Variants in CA10 observed in about 807,000 individuals in gnomAD.
The protein encoded by CA10 is carbonic anhydrase-related protein 10.
Under a neutral mutation model 44.2 loss-of-function variants are expected in CA10, and 14 were observed. The ratio of observed to expected loss-of-function variants is 0.32; its 90% confidence interval spans 0.21 to 0.50. The LOEUF is 0.50. Ranked by LOEUF, CA10 falls within the 20% of genes least tolerant of loss-of-function variation. The pLI, the probability that CA10 is intolerant of heterozygous loss-of-function variation, is 0.99. For synonymous variants in CA10, 159 were observed against 141.6 expected, an observed-to-expected ratio of 1.12 and a Z score of -0.87; for missense variants, 350 against 409.7, an observed-to-expected ratio of 0.85 and a Z score of 1.26.
At chr17:51,650,787 G>A (rs1436068943) in intron 5 of CA10, among the ~76,000 whole-genome samples, 1 of 152,166 alleles carries the variant, frequency 6.6e-6, no homozygotes, top group Non-Finnish European at 1.5e-5. Flanking sequence ...TGGTGAGTCT[G>A]GTCAGCCCTT....
At chr17:51,936,604 G>A (rs1224891069) in intron 2 of CA10, among the ~76,000 whole-genome samples, 1 of 152,148 alleles carries the variant, frequency 6.6e-6, no homozygotes, top group Non-Finnish European at 1.5e-5. Flanking sequence ...GGAGAAGAGC[G>A]AAATGAGATG....
chr17:52,073,939 C>T (rs988789464), intron 1 of CA10, among the ~76,000 whole-genome samples: 6 of 152,166 alleles, frequency 3.9e-5, no homozygotes, highest in African/African-American at 1.4e-4. Context: ...TAGACCCGAC[C>T]AAGCCAAGAA....
chr17:52,153,239 G>A (rs1358406639), intron 1 of CA10, among the ~76,000 whole-genome samples: 2 of 152,098 alleles, frequency 1.3e-5, no homozygotes, highest in East Asian at 3.8e-4. Flanking sequence ...CAGTAACTGG[G>A]CTATATGACA....
chr17:51,823,595 A>G (rs1907898658), intron 3 of CA10, among the ~76,000 whole-genome samples: 2 of 152,100 alleles, frequency 1.3e-5, no homozygotes, highest in Admixed American at 1.3e-4. Flanking sequence ...TGATTACTCC[A>G]TTTTCCAGGT....
chr17:51,849,392 A>G (rs1978689954), intron 3 of CA10, among the ~76,000 whole-genome samples: 1 of 151,564 alleles, frequency 6.6e-6, no homozygotes, highest in African/African-American at 2.4e-5. Flanking sequence ...ATTCAAATAA[A>G]TGGCTTCCTA....
chr17:51,855,186 C>A (rs74537109), intron 3 of CA10, among the ~76,000 whole-genome samples: 1 of 152,066 alleles, frequency 6.6e-6, no homozygotes, highest in Admixed American at 6.5e-5. Flanking sequence ...TGGAGGATAA[C>A]GCCAGCTTGA....
chr17:51,780,078 A>C (rs1031794248), intron 3 of CA10, among the ~76,000 whole-genome samples: 2 of 152,248 alleles, frequency 1.3e-5, no homozygotes, highest in African/African-American at 4.8e-5. Flanking sequence ...AAAACTTTAA[A>C]TAGATTCTAG....
intron 6 of CA10, among the ~76,000 whole-genome samples, chr17:51,645,508 C>T (rs1240961829): frequency 1.3e-5 from 2 of 152,182 alleles, no homozygotes; most frequent in Non-Finnish European, 2.9e-5. Flanking sequence ...TCAGGATGTA[C>T]TTGAACTGCC....
chr17:52,127,645 G>T (rs894128513), intron 1 of CA10, among the ~76,000 whole-genome samples: 4 of 152,266 alleles, frequency 2.6e-5, no homozygotes, highest in Non-Finnish European at 4.4e-5. Flanking sequence ...CTCTCTGAGG[G>T]TTATGAACAT....
At chr17:51,695,927 T>C (rs534834242) in intron 4 of CA10, among the ~76,000 whole-genome samples, 1 of 152,330 alleles carries the variant, frequency 6.6e-6, no homozygotes, top group African/African-American at 2.4e-5. Context: ...GATGATCATA[T>C]GGTTTTTGTT....
chr17:51,868,870 T>C (rs932250342), intron 3 of CA10, among the ~76,000 whole-genome samples: 2 of 150,696 alleles, frequency 1.3e-5, no homozygotes, highest in Non-Finnish European at 2.9e-5. Context: ...TCAAGTTAGC[T>C]ATGAAGCCAA....
intron 3 of CA10, among the ~76,000 whole-genome samples, chr17:51,788,656 T>C (rs946248344): frequency 3.9e-5 from 6 of 152,226 alleles, no homozygotes; most frequent in African/African-American, 1.4e-4. Flanking sequence ...ACAAACCTAC[T>C]GTAGAGCATT....
chr17:52,076,769 C>T (rs1416261777), intron 1 of CA10, among the ~76,000 whole-genome samples: 4 of 152,150 alleles, frequency 2.6e-5, no homozygotes, highest in Admixed American at 6.5e-5. Flanking sequence ...CTTATTTTAA[C>T]GCCTCCCACC....
intron 4 of CA10, among the ~76,000 whole-genome samples, chr17:51,717,694 T>C (rs1916176724): frequency 1.4e-5 from 1 of 69,896 alleles, no homozygotes; most frequent in African/African-American, 4.4e-5. Context: ...TGTATACATA[T>C]ATGCATGTAT....
chr17:51,819,027 T>C (rs1301583020), intron 3 of CA10, among the ~76,000 whole-genome samples: 1 of 152,178 alleles, frequency 6.6e-6, no homozygotes, highest in African/African-American at 2.4e-5. Flanking sequence ...GAGGCTGTGA[T>C]GTATCATCCT....
intron 3 of CA10, among the ~76,000 whole-genome samples, chr17:51,839,999 G>A (rs977809909): frequency 2.6e-5 from 4 of 152,092 alleles, no homozygotes; most frequent in Admixed American, 6.5e-5. Flanking sequence ...ATAAAAACTC[G>A]GGCTCATGTG....
At chr17:51,881,643 C>G in intron 3 of CA10, among the ~76,000 whole-genome samples, 1 of 152,046 alleles carries the variant, frequency 6.6e-6, no homozygotes, top group African/African-American at 2.4e-5. Context: ...CAAACAAATA[C>G]AAAAGGCAAA....
chr17:51,919,393 G>A (rs902298193), intron 3 of CA10, among the ~76,000 whole-genome samples: 2 of 152,138 alleles, frequency 1.3e-5, no homozygotes, highest in African/African-American at 4.8e-5. Context: ...TCTTGGGTGT[G>A]TGTGACTGTT....
intron 3 of CA10, among the ~76,000 whole-genome samples, chr17:51,805,815 G>A (rs947260673): frequency 6.6e-6 from 1 of 152,086 alleles, no homozygotes; most frequent in Non-Finnish European, 1.5e-5. Flanking sequence ...CTATAGATTT[G>A]CCTTTTCTAG....
Sources: allele counts gnomAD v4.1 joint callset (sites outside exome capture counted in the v4.1 genomes callset), GRCh38; gene constraint gnomAD v4.1.1; transcripts MANE v1.5; gene names NCBI Gene and HGNC (gene_info 2026-07-23, HGNC 2026-07-21).